Variants in GABRB1 observed in about 807,000 individuals in gnomAD.
GABRB1 encodes gamma-aminobutyric acid receptor subunit beta-1.
Under a neutral mutation model 51.6 loss-of-function variants are expected in GABRB1, and 17 were observed. That is an observed-to-expected ratio of 0.33 (90% CI 0.23 to 0.49). The LOEUF is 0.49. GABRB1 is among the 20% of genes least tolerant of loss of function. The pLI is 0.99. For synonymous variants in GABRB1, 247 were observed against 218.9 expected (o/e 1.13, Z -1.14); for missense variants, 410 against 600.6 (o/e 0.68, Z 3.32).
intron 3 of GABRB1, among the ~76,000 whole-genome samples, chr4:47,157,409 A>G (rs939339124): frequency 6.6e-6 from 1 of 152,114 alleles, no homozygotes; most frequent in Non-Finnish European, 1.5e-5. Context: ...TTTCTTTTCT[A>G]CCTAAAAATA....
At chr4:47,040,095 C>T (rs1317392774) in intron 3 of GABRB1, among the ~76,000 whole-genome samples, 1 of 152,132 alleles carries the variant, frequency 6.6e-6, no homozygotes, top group Non-Finnish European at 1.5e-5. Flanking sequence ...AAAAATCTTA[C>T]ATGTATGTGT....
At chr4:47,391,701 C>T (rs1477843292) in intron 5 of GABRB1, among the ~76,000 whole-genome samples, 2 of 152,158 alleles carry the variant, frequency 1.3e-5, no homozygotes. Flanking sequence ...GTAAATTAGG[C>T]TCAAGAATAT....
intron 3 of GABRB1, among the ~76,000 whole-genome samples, chr4:47,042,927 A>G (rs1002542659): frequency 3.3e-5 from 5 of 151,944 alleles, no homozygotes; most frequent in African/African-American, 1.2e-4. Flanking sequence ...TAAAATGTCA[A>G]CTTTTGTCTG....
At chr4:47,021,973 A>G (rs1724942174) in intron 1 of GABRB1, among the ~76,000 whole-genome samples, 1 of 152,070 alleles carries the variant, frequency 6.6e-6, no homozygotes, top group Non-Finnish European at 1.5e-5. Context: ...CCTAGTAAAG[A>G]ATTATGGCTT....
intron 5 of GABRB1, among the ~76,000 whole-genome samples, chr4:47,368,390 C>T (rs1437263503): frequency 6.6e-6 from 1 of 152,126 alleles, no homozygotes; most frequent in Non-Finnish European, 1.5e-5. Flanking sequence ...CACCTGGTGA[C>T]ATTTGGCAAT....
rs114075061 is a variant in GABRB1 at position 47,239,720 on chromosome 4, A to G, written c.461+78251A>G. On this transcript the variant is annotated intron_variant, in intron 4 of 8. Coordinates refer to ENST00000295454, the MANE Select transcript of GABRB1 (RefSeq NM_000812.4). ...AAGTACAGTCAACCCTCTCCTCAGA[A>G]GCAAGGTTACCTCAAAGTCAAGAGC... 6.0e-3 allele frequency among the ~76,000 whole-genome samples: 920 copies of G among 152,350 alleles called. 9 individuals are homozygous for G. The highest frequency in any genetic ancestry group is 9.2e-3 in the Non-Finnish European group (623 of 68,030).
intron 3 of GABRB1, among the ~76,000 whole-genome samples, chr4:47,039,416 A>T (rs1283317498): frequency 6.6e-6 from 1 of 151,292 alleles, no homozygotes; most frequent in Non-Finnish European, 1.5e-5. Context: ...TAGAGCTTAT[A>T]GTCTTTTTCA....
chr4:47,000,967 C>T (rs1159316), intron 1 of GABRB1, among the ~76,000 whole-genome samples: 75,876 of 151,860 alleles, frequency 0.5, 19,234 homozygotes, highest in African/African-American at 0.52. Context: ...CATTTGATGG[C>T]CATCTTTGAA....
At chr4:47,285,374 A>G (rs1723469187) in intron 4 of GABRB1, among the ~76,000 whole-genome samples, 1 of 152,256 alleles carries the variant, frequency 6.6e-6, no homozygotes, top group African/African-American at 2.4e-5. Context: ...CTTTTTAAAC[A>G]GCACTTTTTT....
At chr4:47,345,537 G>C (rs55933083) in intron 5 of GABRB1, among the ~76,000 whole-genome samples, 7,120 of 152,258 alleles carry the variant, frequency 0.047, 150 homozygotes, top group Admixed American at 0.068. Flanking sequence ...TGAAGACCCT[G>C]TGGTAGGAAG....
intron 3 of GABRB1, among the ~76,000 whole-genome samples, chr4:47,160,533 TTA>T (rs553045699): frequency 2.6e-5 from 4 of 152,112 alleles, no homozygotes; most frequent in Non-Finnish European, 5.9e-5. Context: ...GCATTCAGTT[TTA>T]GTTATTATTT....
chr4:47,113,610 A>T (rs1715331793), intron 3 of GABRB1, among the ~76,000 whole-genome samples: 1 of 152,194 alleles, frequency 6.6e-6, no homozygotes, highest in African/African-American at 2.4e-5. Context: ...TTTTCAACAC[A>T]TGGAGAAGAG....
At chr4:47,146,165 TTCTGTA>T (rs1717162323) in intron 3 of GABRB1, among the ~76,000 whole-genome samples, 1 of 152,040 alleles carries the variant, frequency 6.6e-6, no homozygotes, top group African/African-American at 2.4e-5. Flanking sequence ...GGATTCAATT[TTCTGTA>T]TCTTCCAGAA....
chr4:47,060,902 G>A (rs1411137381), intron 3 of GABRB1, among the ~76,000 whole-genome samples: 4 of 152,028 alleles, frequency 2.6e-5, no homozygotes, highest in Non-Finnish European at 4.4e-5. Context: ...TTCATTTTAA[G>A]CATTTTTCTG....
At chr4:47,060,526 A>T (rs1345721758) in intron 3 of GABRB1, among the ~76,000 whole-genome samples, 1 of 152,178 alleles carries the variant, frequency 6.6e-6, no homozygotes, top group East Asian at 1.9e-4. Context: ...GTCATAGTAA[A>T]TACAAGCAAA....
intron 4 of GABRB1, among the ~76,000 whole-genome samples, chr4:47,239,778 T>A (rs900161834): frequency 6.6e-6 from 1 of 152,188 alleles, no homozygotes; most frequent in Non-Finnish European, 1.5e-5. Context: ...TTCCTAGCGA[T>A]CTGCAGAGTG....
chr4:47,073,395 T>G (rs927472840), intron 3 of GABRB1, among the ~76,000 whole-genome samples: 1 of 152,214 alleles, frequency 6.6e-6, no homozygotes, highest in Non-Finnish European at 1.5e-5. Flanking sequence ...CAGTTAATCA[T>G]CTTTAATAAG....
intron 4 of GABRB1, among the ~76,000 whole-genome samples, chr4:47,245,717 G>A (rs1335180006): frequency 6.6e-6 from 1 of 151,932 alleles, no homozygotes; most frequent in African/African-American, 2.4e-5. Flanking sequence ...TAAAGAGTTA[G>A]ACCATCTTAC....
rs768878635 is a variant in GABRB1 at position 47,031,634 on chromosome 4, T to C, written c.-18T>C. On this transcript the variant is annotated 5_prime_UTR_variant, in exon 1 of 9. Transcript: ENST00000295454. ...TGAATCTTCGCAGAAAAGACAATTC[T>C]TTTAATCAGAGTTAGTAATGTGGAC... The C allele has an allele frequency of 5.0e-6, 8 of 1,599,348 alleles. No homozygotes were observed. In the African/African-American group the frequency reaches 1.1e-4, roughly 21 times the overall value.
Sources: allele counts gnomAD v4.1 joint callset (sites outside exome capture counted in the v4.1 genomes callset), GRCh38; gene constraint gnomAD v4.1.1; transcripts MANE v1.5; gene names NCBI Gene and HGNC (gene_info 2026-07-23, HGNC 2026-07-21).